PIWIL3: variants seen among roughly 807,000 people sequenced by gnomAD.
PIWIL3 encodes the protein piwi-like protein 3.
A neutral mutation model predicts 109.7 loss-of-function variants in PIWIL3; 101 were observed. That is an observed-to-expected ratio of 0.92 (90% confidence interval 0.78 to 1.09). The LOEUF (loss-of-function observed/expected upper bound fraction) is 1.09. PIWIL3 is among the 50% of genes least tolerant of loss of function. PIWIL3 has a pLI of 0.00. For missense variants in PIWIL3, 1,031 were observed against 1,072.6 expected, an observed-to-expected ratio of 0.96 and a Z score of 0.54; for synonymous variants, 373 against 376.4, an observed-to-expected ratio of 0.99 and a Z score of 0.10.
Position 24,723,386 on chromosome 22 carries a change from A to AT in PIWIL3, c.2232-132dup, listed in dbSNP as rs76381567. 2,266 of 906,896 alleles carry AT rather than the reference A, an allele frequency of 2.5e-3. 51 individuals carry two copies. In the South Asian group the frequency reaches 0.029, roughly 12 times the overall value. The allele number at this position is 906,896 out of a possible 1,614,324, so 56.2% of individuals were successfully genotyped here. On this transcript the variant is annotated intron_variant, in intron 18 of 20. Coordinates refer to ENST00000616349, the MANE Select transcript of PIWIL3 (RefSeq NM_001255975.1). ...AGACAGCAGCCCTCCTTACACCCTAATTTTACTGTCTAAGCTCCATGTGCC... is the reference window on the plus strand; with the variant it reads ...AGACAGCAGCCCTCCTTACACCCTAATTTTTACTGTCTAAGCTCCATGTGCC...
chr22:24,757,908 C>G lies in PIWIL3; in HGVS notation c.355G>C (p.Gly119Arg). 1 of 1,598,854 alleles carries G rather than the reference C, an allele frequency of 6.3e-7. No homozygotes were observed. Among genetic ancestry groups the G allele is most frequent in the South Asian group, 1.1e-5 (1 of 87,824 alleles). ...DMKHVKDSKT[G>R]SEGTVVQLLA... is the part of the protein sequence containing the mutation. ...AACATTGAGTTCTAGACCAACATAC[C>G]TGTTTTTGAGTCTTTAACATGCTTC... Residue 119 changes from glycine to arginine, a missense_variant and splice_region_variant, in exon 4 of 21, where the codon GGT (glycine) becomes CGT (arginine). Coordinates refer to ENST00000616349, the MANE Select transcript of PIWIL3 (RefSeq NM_001255975.1).
At chr22:24,727,845 G>T in intron 16 of PIWIL3, 105 bp downstream of exon 16, 1 of 904,976 alleles carries the variant, frequency 1.1e-6, no homozygotes, top group Non-Finnish European at 1.7e-6. Context: ...TAACTCATCT[G>T]TCAAATTCCC....
At chr22:24,743,980 G>T (rs950761311) in intron 12 of PIWIL3, among the ~76,000 whole-genome samples, 3 of 151,588 alleles carry the variant, frequency 2.0e-5, no homozygotes, top group African/African-American at 7.3e-5. Context: ...TCAAAAATAT[G>T]CAATGGATAC....
Position 24,759,901 on chromosome 22 carries a change from C to A in PIWIL3, c.191G>T (p.Arg64Ile). 1 of 1,602,464 alleles carries A rather than the reference C, an allele frequency of 6.2e-7. No individual in the cohort carries two copies. The highest frequency in any genetic ancestry group is 8.6e-7 in the Non-Finnish European group (1 of 1,169,354). The change falls in exon 3 of 21, where the codon AGA becomes ATA. Residue 64 changes from arginine to isoleucine, a missense_variant. Physicochemically the swap from Arg to Ile is moderately conservative, Grantham distance 97 (BLOSUM62 -3). Coordinates refer to ENST00000616349, the MANE Select transcript of PIWIL3 (RefSeq NM_001255975.1). ...VVRPLQPRAA[R>I]GGAGGGAQSQ... is the part of the protein sequence containing the mutation. ...CTGTGCTCCTCCTCCTGCTCCTCCT[C>A]TTGCTGCTCTTGGCTGCAGAGGTCT...
intron 1 of PIWIL3, among the ~76,000 whole-genome samples, chr22:24,767,409 G>A (rs1289955663): frequency 1.3e-5 from 2 of 151,864 alleles, no homozygotes; most frequent in Non-Finnish European, 2.9e-5. Flanking sequence ...AAATTAGCCA[G>A]GTGTGGTGAT....
At chr22:24,767,383 A>T (rs1210191759) in intron 1 of PIWIL3, among the ~76,000 whole-genome samples, 1 of 150,900 alleles carries the variant, frequency 6.6e-6, no homozygotes, top group Admixed American at 6.6e-5. Flanking sequence ...TAAAAAAAAT[A>T]AATAAATAAA....
intron 8 of PIWIL3, 151 bp downstream of exon 8, chr22:24,753,863 G>GTA (rs1924851307): frequency 3.1e-6 from 2 of 650,072 alleles, no homozygotes; most frequent in South Asian, 4.0e-5. Flanking sequence ...CTCCCAAGTT[G>GTA]TATAACCAGA....
chr22:24,744,178 T>TAAAAAAGAAAAAAAAAAAAA (rs1924185381), intron 12 of PIWIL3, among the ~76,000 whole-genome samples: 1 of 34,304 alleles, frequency 2.9e-5, no homozygotes, highest in Non-Finnish European at 5.7e-5. Context: ...GTGACCGAAT[T>TAAAAAAGAAAAAAAAAAAAA]AAAAAAAAAA....
At chr22:24,740,134 C>G (rs1439160302) in intron 12 of PIWIL3, among the ~76,000 whole-genome samples, 1 of 144,480 alleles carries the variant, frequency 6.9e-6, no homozygotes, top group African/African-American at 2.6e-5. Context: ...CAGAGAATTG[C>G]TTGAACCCAG....
At chr22:24,719,978 A>C in intron 19 of PIWIL3, 83 bp from the exon 20 acceptor site, 4 of 1,185,274 alleles carry the variant, frequency 3.4e-6, no homozygotes, top group Non-Finnish European at 4.6e-6. Context: ...GAAAACATTT[A>C]GTATAATTGC....
At position 24,725,425 on chromosome 22, in the gene PIWIL3, G is replaced by T; in HGVS notation, c.2080+20C>A. On this transcript the variant is annotated intron_variant, in intron 17 of 20. Coordinates refer to ENST00000616349, the MANE Select transcript of PIWIL3 (RefSeq NM_001255975.1). ...CTACTTGTATAGTGTCGGGTTCCCC[G>T]ACCGCTACAAGACACTGACCTTTCA... is the stretch of plus-strand genomic sequence containing the variant. 6.2e-7 allele frequency: 1 copy of T among 1,612,496 alleles called. No individual in the cohort carries two copies. Among genetic ancestry groups the T allele is most frequent in the South Asian group, 1.1e-5 (1 of 91,036 alleles).
At chr22:24,767,254 A>G (rs1925847388) in intron 1 of PIWIL3, among the ~76,000 whole-genome samples, 1 of 150,736 alleles carries the variant, frequency 6.6e-6, no homozygotes, top group African/African-American at 2.4e-5. Flanking sequence ...ATTCCTGGCC[A>G]GCTGGGCGGG....
chr22:24,719,979 G>A, intron 19 of PIWIL3, 84 bp from the exon 20 acceptor site: 1 of 1,170,188 alleles, frequency 8.5e-7, no homozygotes, highest in Non-Finnish European at 1.2e-6. Context: ...AAAACATTTA[G>A]TATAATTGCT....
intron 14 of PIWIL3, 63 bp from the exon 15 acceptor site, chr22:24,728,437 C>T: frequency 6.3e-7 from 1 of 1,596,344 alleles, no homozygotes; most frequent in Non-Finnish European, 8.6e-7. Context: ...GAAAGAAAAA[C>T]CATCTGGAGC....
At chr22:24,762,564 G>C (rs374945841) in intron 1 of PIWIL3, 43 bp from the exon 2 acceptor site, 2 of 1,477,524 alleles carry the variant, frequency 1.4e-6, no homozygotes, top group African/African-American at 1.4e-5. Flanking sequence ...GGAGTTGCCT[G>C]GTGTCTTACT....
chr22:24,756,747 T>C, intron 4 of PIWIL3, 42 bp from the exon 5 acceptor site: 1 of 1,528,702 alleles, frequency 6.5e-7, no homozygotes, highest in Non-Finnish European at 9.0e-7. Context: ...ACAGACTGAT[T>C]GGGCCCAAAA....
At chr22:24,766,047 A>AG (rs1485901542) in intron 1 of PIWIL3, among the ~76,000 whole-genome samples, 4 of 151,170 alleles carry the variant, frequency 2.6e-5, no homozygotes, top group South Asian at 4.2e-4. Context: ...TAATGGAAAA[A>AG]AAAAAAAGAA....
At chr22:24,744,836 T>C (rs1413151880) in intron 12 of PIWIL3, among the ~76,000 whole-genome samples, 1 of 152,120 alleles carries the variant, frequency 6.6e-6, no homozygotes, top group African/African-American at 2.4e-5. Context: ...GGACAGATCT[T>C]TCAGACAAAA....
At chr22:24,770,743 G>A (rs1447055565) in intron 1 of PIWIL3, among the ~76,000 whole-genome samples, 1 of 151,760 alleles carries the variant, frequency 6.6e-6, no homozygotes, top group Admixed American at 6.6e-5. Flanking sequence ...GCTGAGGCAG[G>A]AGAATTGCTT....
Sources: gnomAD v4.1 joint callset for allele counts (sites outside exome capture counted in the v4.1 genomes callset) on GRCh38, gnomAD v4.1.1 for gene constraint, MANE v1.5 for transcripts, NCBI Gene and HGNC (gene_info 2026-07-23, HGNC 2026-07-21) for gene names.